The following SOX6 variants were observed in gnomAD, a reference collection of about 807,000 sequenced individuals.
SOX6 encodes SRY-box transcription factor 6.
In SOX6, 11 loss-of-function variants were observed where a neutral mutation model predicts 97.8. The ratio of observed to expected loss-of-function variants is 0.11; its 90% confidence interval spans 0.07 to 0.19. SOX6 has a LOEUF of 0.19. Among genes scored for constraint, SOX6 ranks in the 10% least tolerant of loss-of-function variants. The pLI is 1.00. For synonymous variants in SOX6, 360 were observed against 371.4 expected (o/e 0.97, Z 0.35); for missense variants, 810 against 1,039.5 (o/e 0.78, Z 3.04).
chr11:16,050,668 C>G (rs1379125904), intron 10 of SOX6, among the ~76,000 whole-genome samples: 1 of 152,168 alleles, frequency 6.6e-6, no homozygotes, highest in African/African-American at 2.4e-5. Flanking sequence ...TTTTAAGATA[C>G]ATGTCCTTCT....
rs1322314694 is a variant in SOX6 at position 16,610,630 on chromosome 11, G to A, written n.609+1451C>T. On this transcript the variant is annotated intron_variant and non_coding_transcript_variant, in intron 4 of 5. Coordinates refer to the SOX6 transcript ENST00000524520. The surrounding 1 kb of genome is among the most constrained non-coding windows in gnomAD (Gnocchi z 4.4). ...AAAGTATATTGATAAGGCGGAACCC[G>A]GAGCAAGTAACAATATTCATCCCTA... is the stretch of plus-strand genomic sequence containing the variant. Among the ~76,000 whole-genome samples the A allele has an allele frequency of 2.0e-5, 3 of 152,126 alleles. No homozygotes were observed. The highest frequency in any genetic ancestry group is 1.3e-4 in the Admixed American group (2 of 15,282).
intron 10 of SOX6, among the ~76,000 whole-genome samples, chr11:16,050,356 T>C (rs928582380): frequency 6.6e-6 from 1 of 152,204 alleles, no homozygotes; most frequent in African/African-American, 2.4e-5. Context: ...TTTCTTAATA[T>C]ATATTTTAAA....
At chr11:16,614,012 G>A (rs1029982205) in intron 3 of SOX6, among the ~76,000 whole-genome samples, 13 of 152,158 alleles carry the variant, frequency 8.5e-5, no homozygotes, top group Admixed American at 1.3e-4. Context: ...ACAGGAGTGA[G>A]AGCTAAAACT....
chr11:16,105,399 T>A, intron 7 of SOX6, among the ~76,000 whole-genome samples: 1 of 151,988 alleles, frequency 6.6e-6, no homozygotes, highest in East Asian at 1.9e-4. Context: ...TGATGAAACC[T>A]ATTTATAAAA....
At chr11:16,474,843 T>C in intron 1 of SOX6, among the ~76,000 whole-genome samples, 1 of 152,200 alleles carries the variant, frequency 6.6e-6, no homozygotes, top group East Asian at 1.9e-4. Flanking sequence ...GCCATCAAAG[T>C]CCTAGATAGC....
intron 3 of SOX6, among the ~76,000 whole-genome samples, chr11:16,238,263 C>T (rs921803992): frequency 6.6e-6 from 1 of 151,780 alleles, no homozygotes; most frequent in Non-Finnish European, 1.5e-5. Flanking sequence ...CTGGTTTTTT[C>T]TTTCCCTTTT....
At chr11:16,014,901 C>T (rs1854836006) in intron 13 of SOX6, 41 bp downstream of exon 13, 4 of 1,561,744 alleles carry the variant, frequency 2.6e-6, no homozygotes, top group Admixed American at 1.7e-5. Context: ...CATTTGGAAA[C>T]ACATGGAGCA....
intron 4 of SOX6, among the ~76,000 whole-genome samples, chr11:16,530,534 G>C (rs1861224544): frequency 6.6e-6 from 1 of 151,936 alleles, no homozygotes; most frequent in Non-Finnish European, 1.5e-5. Flanking sequence ...CAGAATAAGG[G>C]AGAATACAAC....
chr11:16,135,595 G>A (rs1296673598), intron 6 of SOX6, among the ~76,000 whole-genome samples: 4 of 152,158 alleles, frequency 2.6e-5, no homozygotes, highest in African/African-American at 9.7e-5. Context: ...AATTAGAAGT[G>A]GAGCCTGAAG....
At chr11:16,038,566 A>G (rs1476330051) in intron 12 of SOX6, among the ~76,000 whole-genome samples, 2 of 152,156 alleles carry the variant, frequency 1.3e-5, no homozygotes, top group Non-Finnish European at 2.9e-5. Flanking sequence ...ATATTAAATC[A>G]TTTAATTCTC....
intron 9 of SOX6, among the ~76,000 whole-genome samples, chr11:16,063,830 G>C (rs1848026574): frequency 6.6e-6 from 1 of 150,670 alleles, no homozygotes; most frequent in African/African-American, 2.4e-5. Flanking sequence ...ATCCATTTTA[G>C]TCAATCTTAC....
chr11:16,380,839 C>T (rs771119947), intron 1 of SOX6, among the ~76,000 whole-genome samples: 2 of 151,910 alleles, frequency 1.3e-5, no homozygotes, highest in Non-Finnish European at 2.9e-5. Context: ...ATAAAAATAA[C>T]ATACTGACAC....
At chr11:16,115,679 A>C (rs560296414) in intron 6 of SOX6, among the ~76,000 whole-genome samples, 1 of 152,300 alleles carries the variant, frequency 6.6e-6, no homozygotes, top group Non-Finnish European at 1.5e-5. Flanking sequence ...ACAGTGCTGG[A>C]TCCAGAGTCC....
chr11:16,268,508 T>C (rs1269637007), intron 3 of SOX6, among the ~76,000 whole-genome samples: 3 of 151,198 alleles, frequency 2.0e-5, no homozygotes, highest in African/African-American at 7.3e-5. Context: ...GATGATACGA[T>C]AGAGAAGACG....
At chr11:16,454,325 A>G (rs1187360674) in intron 1 of SOX6, among the ~76,000 whole-genome samples, 1 of 152,100 alleles carries the variant, frequency 6.6e-6, no homozygotes, top group Non-Finnish European at 1.5e-5. Context: ...ATGACACCTC[A>G]TCAGTAGCTT....
chr11:16,302,566 C>CTTTTTTTTTTTTTTTT (rs71044096), intron 3 of SOX6, among the ~76,000 whole-genome samples: 2 of 86,998 alleles, frequency 2.3e-5, no homozygotes, highest in Non-Finnish European at 4.2e-5. Context: ...TTCTTTTTTT[C>CTTTTTTTTTTTTTTTT]TTTTTTTTTT....
intron 9 of SOX6, among the ~76,000 whole-genome samples, chr11:16,087,545 C>G (rs543131635): frequency 3.3e-5 from 5 of 151,968 alleles, no homozygotes; most frequent in African/African-American, 1.2e-4. Context: ...CTTAATACTA[C>G]TGAAGAGAGT....
chr11:16,547,954 A>G (rs1847640223), intron 4 of SOX6, among the ~76,000 whole-genome samples: 3 of 152,176 alleles, frequency 2.0e-5, no homozygotes, highest in African/African-American at 7.2e-5. Flanking sequence ...GAAATAAAAG[A>G]AGATGCAAGG....
chr11:16,409,662 A>G (rs541553576), intron 1 of SOX6, among the ~76,000 whole-genome samples: 6 of 152,198 alleles, frequency 3.9e-5, no homozygotes, highest in Non-Finnish European at 5.9e-5. Context: ...TAAATGGTTC[A>G]GAAAATCTAC....
Sources: gnomAD v4.1 joint callset for allele counts (sites outside exome capture counted in the v4.1 genomes callset) on GRCh38, gnomAD v4.1.1 for gene constraint, Gnocchi (gnomAD v3.1) non-coding constraint, MANE v1.5 for transcripts, NCBI Gene and HGNC (gene_info 2026-07-23, HGNC 2026-07-21) for gene names.